The following KHNYN variants were observed in gnomAD, a reference collection of about 807,000 sequenced individuals.
KHNYN encodes protein KHNYN.
In KHNYN, 42 loss-of-function variants were observed where a neutral mutation model predicts 62.7. The observed-to-expected ratio is 0.67, with a 90% CI of 0.52 to 0.87. The LOEUF is 0.87. KHNYN is among the 40% of genes least tolerant of loss of function. KHNYN has a pLI of 0.00. For synonymous variants in KHNYN, 347 were observed against 345.6 expected, an observed-to-expected ratio of 1.00 and a Z score of -0.04; for missense variants, 829 against 874.1, an observed-to-expected ratio of 0.95 and a Z score of 0.65.
upstream of KHNYN, chr14:24,429,508 C>A: frequency 2.2e-6 from 1 of 460,968 alleles, no homozygotes; most frequent in South Asian, 1.6e-5. Context: ...TTCAAAATCC[C>A]CCACAAATCA....
rs2043249947 is a variant in KHNYN, at chr14:24,439,001, G to A, written c.*1716G>A. On this transcript the variant is annotated 3_prime_UTR_variant, in exon 8 of 8. Transcript: ENST00000553935. ...CTGTACCATACTGACCCAGGCTGGG[G>A]GCAGGTGTGTTGGAGACAGGCTGGT... 1 of 150,906 alleles carries A rather than the reference G, an allele frequency of 6.6e-6. No individual in the cohort carries two copies. Among genetic ancestry groups the A allele is most frequent in the Non-Finnish European group, 1.5e-5 (1 of 68,094 alleles). 9.3% of individuals were successfully genotyped at this position (150,906 alleles called of 1,614,324 possible).
At chr14:24,433,420 G>A (rs2043156260) in intron 5 of KHNYN, among the ~76,000 whole-genome samples, 2 of 152,196 alleles carry the variant, frequency 1.3e-5, no homozygotes, top group South Asian at 4.1e-4. Context: ...AAAAACCAGA[G>A]TAAAGGTCAA....
At position 24,440,342 on chromosome 14, in the gene KHNYN, G is replaced by A. The variant is rs2043288379; in HGVS notation, c.*3057G>A. The A allele has an allele frequency of 6.2e-7, 1 of 1,614,024 alleles. No individual in the cohort carries two copies. Among genetic ancestry groups the A allele is most frequent in the South Asian group, 1.1e-5 (1 of 91,088 alleles). On this transcript the variant is annotated 3_prime_UTR_variant, in exon 8 of 8. Coordinates refer to ENST00000553935, the MANE Select transcript of KHNYN (RefSeq NM_015299.3). ...ATTCAGGACCCCGTGCACGTGGTTTGCTTCAAGGGCATGGGTCAGGATTCC... is the reference window on the plus strand; with the variant it reads ...ATTCAGGACCCCGTGCACGTGGTTTACTTCAAGGGCATGGGTCAGGATTCC...
At position 24,438,680 on chromosome 14, in the gene KHNYN, G is replaced by C. The variant is rs956274209; in HGVS notation, c.*1395G>C. The stretch of plus-strand genomic sequence containing the variant: ...GTATTAATCAGTACTCCTTACTTTA[G>C]TGCAGCCTAAAGTATGCTTTTCTGT... On this transcript the variant is annotated 3_prime_UTR_variant, in exon 8 of 8. Coordinates refer to ENST00000553935, the MANE Select transcript of KHNYN (RefSeq NM_015299.3). 6.6e-6 allele frequency: 1 copy of C among 152,008 alleles called. No individual in the cohort carries two copies. The highest frequency in any genetic ancestry group is 1.5e-5 in the Non-Finnish European group (1 of 67,976). The allele number at this position is 152,008 out of a possible 1,614,324, so 9.4% of individuals were successfully genotyped here.
Position 24,440,439 on chromosome 14 carries a change from G to C in KHNYN, c.*3154G>C, listed in dbSNP as rs747743173. ...CCGATGGGGCCCCCCAGGCCCAGGC[G>C]AAAGGGCAGCAGCATGTGGCCCATG... On this transcript the variant is annotated 3_prime_UTR_variant, in exon 8 of 8. Transcript: ENST00000553935. 1 of 1,611,854 alleles carries C rather than the reference G, an allele frequency of 6.2e-7. No individual in the cohort carries two copies. Among genetic ancestry groups the C allele is most frequent in the South Asian group, 1.1e-5 (1 of 90,694 alleles).
chr14:24,429,946 C>G (rs889280418), upstream of KHNYN: 6 of 995,594 alleles, frequency 6.0e-6, no homozygotes, highest in Middle Eastern at 1.0e-3. Flanking sequence ...GGAAGTGACT[C>G]AAGAAACAGT....
At position 24,432,764 on chromosome 14, in the gene KHNYN, T is replaced by G. The variant is rs2043143437; in HGVS notation, c.1392T>G (p.Ile464Met). ...QHYFSSRGIA[I>M]AVQYFWDRGH... ...ACTTCTCCAGCCGGGGCATTGCCATTGCTGTGCAGTACTTCTGGGACCGTG... is the reference window on the plus strand; with the variant it reads ...ACTTCTCCAGCCGGGGCATTGCCATGGCTGTGCAGTACTTCTGGGACCGTG... The change falls in exon 4 of 8, where the codon ATT becomes ATG. Residue 464 changes from isoleucine (I) to methionine (M), a missense_variant. Around this residue, in one of 2 missense-constraint regions of KHNYN, gnomAD observed 270 missense variants for 347.1 expected, o/e 0.78. Coordinates refer to ENST00000553935, the MANE Select transcript of KHNYN (RefSeq NM_015299.3). This position sits in a 1 kb window ranked among gnomAD's most constrained non-coding sequence, Gnocchi z 5.6. 1 of 1,614,086 alleles carries G rather than the reference T, an allele frequency of 6.2e-7. No individual in the cohort carries two copies. Among genetic ancestry groups the G allele is most frequent in the African/African-American group, 1.3e-5 (1 of 74,932 alleles).
chr14:24,423,357 A>G, the KHNYN span, among the ~76,000 whole-genome samples: 1 of 152,144 alleles, frequency 6.6e-6, no homozygotes, highest in African/African-American at 2.4e-5. Flanking sequence ...AGAGTGACAG[A>G]TGACAGGATG....
chr14:24,429,221 T>G (rs1346730949), upstream of KHNYN: 2 of 711,832 alleles, frequency 2.8e-6, no homozygotes, highest in Non-Finnish European at 2.3e-6. Context: ...CTCCCACTCT[T>G]ACTCCTGCTG....
At position 24,440,329 on chromosome 14, in the gene KHNYN, G is replaced by A. The variant is rs373640189; in HGVS notation, c.*3044G>A. On this transcript the variant is annotated 3_prime_UTR_variant, in exon 8 of 8. Transcript: ENST00000553935. ...ATGGAGCCACTCCATTCAGGACCCC[G>A]TGCACGTGGTTTGCTTCAAGGGCAT... The A allele has an allele frequency of 3.7e-6, 6 of 1,613,914 alleles. No individual in the cohort carries two copies. Among genetic ancestry groups the A allele is most frequent in the African/African-American group, 1.3e-5 (1 of 74,932 alleles).
At position 24,440,028 on chromosome 14, in the gene KHNYN, G is replaced by A; in HGVS notation, c.*2743G>A. 1 of 1,468,448 alleles carries A rather than the reference G, an allele frequency of 6.8e-7. No individual in the cohort carries two copies. The highest frequency in any genetic ancestry group is 1.4e-5 in the South Asian group (1 of 74,072). The allele number at this position is 1,468,448 out of a possible 1,614,324, so 91.0% of individuals were successfully genotyped here. ...TCTAGAGGAGCTGAGCCTATTCACA[G>A]TGCCTAACCTGGAAGCCTGTGAGGA... On this transcript the variant is annotated 3_prime_UTR_variant, in exon 8 of 8. Transcript: ENST00000553935.
At position 24,438,162 on chromosome 14, in the gene KHNYN, T is replaced by A. The variant is rs1188252513; in HGVS notation, c.*877T>A. On this transcript the variant is annotated 3_prime_UTR_variant, in exon 8 of 8. Transcript: ENST00000553935. ...AGTAGGTAAATTAGGGATGACTGCA[T>A]TATCAAAATACTCTCAGGGTTCCTA... 6.6e-6 allele frequency: 1 copy of A among 152,666 alleles called. No individual in the cohort carries two copies. Among genetic ancestry groups the A allele is most frequent in the Non-Finnish European group, 1.5e-5 (1 of 68,056 alleles). The allele number at this position is 152,666 out of a possible 1,614,324, so 9.5% of individuals were successfully genotyped here.
chr14:24,429,760 G>T (rs1362169775), upstream of KHNYN: 1 of 985,326 alleles, frequency 1.0e-6, no homozygotes, highest in African/African-American at 1.7e-5. Context: ...CAGAATGCGC[G>T]AGGACCCTGA....
chr14:24,429,826 C>A (rs2043070720), upstream of KHNYN: 1 of 1,057,502 alleles, frequency 9.5e-7, no homozygotes, highest in South Asian at 2.6e-5. Flanking sequence ...AGCCCTGGAG[C>A]CGCCGAGGGG....
In KHNYN at chr14:24,440,580, C is replaced by T. The variant is rs758744608; in HGVS notation, c.*3295C>T. ...CCTGGTTTCTGTTTCCCCTTCCTCACTCTCCCCATGCTGACTTGGCTCTGT... is the reference window on the plus strand; with the variant it reads ...CCTGGTTTCTGTTTCCCCTTCCTCATTCTCCCCATGCTGACTTGGCTCTGT... On this transcript the variant is annotated 3_prime_UTR_variant, in exon 8 of 8. Transcript: ENST00000553935. The T allele has an allele frequency of 4.1e-6, 6 of 1,474,308 alleles. No individual in the cohort carries two copies. Among genetic ancestry groups the T allele is most frequent in the Admixed American group, 2.0e-5 (1 of 50,062 alleles). The allele number at this position is 1,474,308 out of a possible 1,614,324, so 91.3% of individuals were successfully genotyped here. A position where few individuals can be genotyped will look rare whatever the true frequency, so the allele number is the denominator to read the frequency against.
chr14:24,439,788 T>C lies in KHNYN; in HGVS notation c.*2503T>C, dbSNP rs907234520. ...AGGTTAGTGAGACAATTTATTTTTA[T>C]TGCCTAAACTGCAGAGCATTCTCTA... is the stretch of plus-strand genomic sequence containing the variant. On this transcript the variant is annotated 3_prime_UTR_variant, in exon 8 of 8. Coordinates refer to ENST00000553935, the MANE Select transcript of KHNYN (RefSeq NM_015299.3). 2 of 274,304 alleles carry C rather than the reference T, an allele frequency of 7.3e-6. No homozygotes were observed. The highest frequency in any genetic ancestry group is 4.4e-5 in the African/African-American group (2 of 45,604). 17.0% of individuals were successfully genotyped at this position (274,304 alleles called of 1,614,324 possible). A position where few individuals can be genotyped will look rare whatever the true frequency, so the allele number is the denominator to read the frequency against.
intron 1 of KHNYN, 118 bp from the exon 2 acceptor site, chr14:24,430,596 T>A: frequency 6.9e-7 from 1 of 1,457,652 alleles, no homozygotes; most frequent in Non-Finnish European, 9.1e-7. Flanking sequence ...TGTCACCTCC[T>A]GGGGCTGTTT....
At position 24,431,939 on chromosome 14, in the gene KHNYN, T is replaced by TCC; in HGVS notation, c.682_683dup (p.Ser229LeufsTer75). ...GTGCTCAGTGCCAAGGAGTGAGAGCTCCCCCTAGTGACGGCAGGGAGTCCC... is the reference window on the plus strand; with the variant it reads ...GTGCTCAGTGCCAAGGAGTGAGAGCTCCCCCCCTAGTGACGGCAGGGAGTCCC... On this transcript the variant is annotated frameshift_variant, in exon 3 of 8. Coordinates refer to ENST00000553935, the MANE Select transcript of KHNYN (RefSeq NM_015299.3). LOFTEE classifies it high-confidence loss of function. 6.2e-7 allele frequency: 1 copy of TCC among 1,613,146 alleles called. No individual in the cohort carries two copies. Among genetic ancestry groups the TCC allele is most frequent in the Non-Finnish European group, 8.5e-7 (1 of 1,179,540 alleles).
Position 24,440,309 on chromosome 14 carries a change from G to GCCACTCC in KHNYN, c.*3025_*3031dup. 1.2e-6 allele frequency: 2 copies of GCCACTCC among 1,614,030 alleles called. No homozygotes were observed. Among genetic ancestry groups the GCCACTCC allele is most frequent in the Non-Finnish European group, 1.7e-6 (2 of 1,179,894 alleles). On this transcript the variant is annotated 3_prime_UTR_variant, in exon 8 of 8. Coordinates refer to ENST00000553935, the MANE Select transcript of KHNYN (RefSeq NM_015299.3). ...CTCAGCATTAGTGGCGGAGGATGGAGCCACTCCATTCAGGACCCCGTGCAC... is the reference window on the plus strand; with the variant it reads ...CTCAGCATTAGTGGCGGAGGATGGAGCCACTCCCCACTCCATTCAGGACCCCGTGCAC...
Sources: allele counts gnomAD v4.1 joint callset (sites outside exome capture counted in the v4.1 genomes callset), GRCh38; gene constraint gnomAD v4.1.1; regional missense constraint gnomAD v4.1.1; non-coding constraint Gnocchi (gnomAD v3.1); transcripts MANE v1.5; gene names NCBI Gene and HGNC (gene_info 2026-07-23, HGNC 2026-07-21).